The following TMEM204 variants were observed in gnomAD, a reference collection of about 807,000 sequenced individuals.
TMEM204 encodes claudin-like protein 24.
A neutral mutation model predicts 19.4 loss-of-function variants in TMEM204; 15 were observed. The observed-to-expected ratio is 0.77, with a 90% CI of 0.52 to 1.19. The LOEUF is 1.19. TMEM204 is among the 50% of genes most tolerant of loss of function. The pLI is 0.00. For synonymous variants in TMEM204, 161 were observed against 146.0 expected (o/e 1.10, Z -0.74); for missense variants, 287 against 321.2 (o/e 0.89, Z 0.81).
rs1170723222 is a variant in TMEM204 at position 1,542,034 on chromosome 16, C to A, written c.394C>A (p.Pro132Thr). Residue 132 changes from proline to threonine, a missense_variant, in exon 2 of 3, where the codon CCG becomes ACG. Physicochemically the swap from Pro to Thr is conservative, Grantham distance 38. Transcript: ENST00000566264. ...VGLPLLSPDA[P>T]CWEEAMAAAF... ...CCTGCCCCTGCTGTCACCCGACGCC[C>A]CGTGCTGGGAGGAGGCCATGGCCGC... 2 of 1,611,048 alleles carry A rather than the reference C, an allele frequency of 1.2e-6. No individual in the cohort carries two copies. The highest frequency in any genetic ancestry group is 4.5e-5 in the East Asian group (2 of 44,814).
upstream of TMEM204, among the ~76,000 whole-genome samples, chr16:1,530,422 C>A (rs771564849): frequency 6.6e-6 from 1 of 152,092 alleles, no homozygotes; most frequent in Non-Finnish European, 1.5e-5. Context: ...TGAGCCACTG[C>A]GCCCGGCCCA....
intron 2 of TMEM204, among the ~76,000 whole-genome samples, chr16:1,544,322 T>C (rs1297953264): frequency 1.3e-5 from 2 of 152,010 alleles, no homozygotes; most frequent in East Asian, 1.9e-4. Flanking sequence ...CAGCTGGGAC[T>C]ACAGGCGCCC....
intron 2 of TMEM204, among the ~76,000 whole-genome samples, chr16:1,546,011 C>G (rs1295658122): frequency 6.6e-6 from 1 of 152,248 alleles, no homozygotes; most frequent in South Asian, 2.1e-4. Flanking sequence ...GCATTCTGCT[C>G]ACTCCACAGA....
chr16:1,550,969 G>A (rs749464934), intron 2 of TMEM204, among the ~76,000 whole-genome samples: 16 of 152,176 alleles, frequency 1.1e-4, no homozygotes, highest in Non-Finnish European at 1.8e-4. Flanking sequence ...CTGCCCCTCC[G>A]TGAGCATTCG....
chr16:1,554,608 C>T (rs2032940883), intron 2 of TMEM204, among the ~76,000 whole-genome samples, 174 bp from the exon 3 acceptor site: 1 of 152,170 alleles, frequency 6.6e-6, no homozygotes, highest in South Asian at 2.1e-4. Flanking sequence ...AAAGCAGGAA[C>T]CCGCTCTAGG....
At chr16:1,541,855 T>C in intron 1 of TMEM204, 66 bp from the exon 2 acceptor site, 1 of 1,482,918 alleles carries the variant, frequency 6.7e-7, no homozygotes, top group Non-Finnish European at 9.0e-7. Context: ...GAAAGTGGCG[T>C]GACGGCTGGC....
intron 1 of TMEM204, among the ~76,000 whole-genome samples, chr16:1,536,540 C>G (rs531018313): frequency 1.3e-4 from 20 of 152,340 alleles, no homozygotes; most frequent in African/African-American, 4.8e-4. Flanking sequence ...ACAAGGGAAG[C>G]GTCACGGAAG....
At position 1,534,152 on chromosome 16, in the gene TMEM204, C is replaced by A; in HGVS notation, c.-124C>A. On this transcript the variant is annotated 5_prime_UTR_variant, in exon 1 of 3. Transcript: ENST00000566264. ...GGACCATCCCATGGGCCTCCGCCCG[C>A]GCCGCCCCGAGGATGAGTGGTGATG... The A allele has an allele frequency of 7.8e-7, 1 of 1,285,380 alleles. No individual in the cohort carries two copies. Among genetic ancestry groups the A allele is most frequent in the Non-Finnish European group, 1.0e-6 (1 of 953,986 alleles). 79.6% of individuals were successfully genotyped at this position (1,285,380 alleles called of 1,614,324 possible). A position where few individuals can be genotyped will look rare whatever the true frequency, so the allele number is the denominator to read the frequency against.
chr16:1,542,028 G>T lies in TMEM204; in HGVS notation c.388G>T (p.Asp130Tyr). Residue 130 changes from aspartate to tyrosine, a missense_variant, in exon 2 of 3, where the codon GAC (aspartate) becomes TAC (tyrosine). Coordinates refer to ENST00000566264, the MANE Select transcript of TMEM204 (RefSeq NM_024600.6). ...GGTGGGCCTGCCCCTGCTGTCACCC[G>T]ACGCCCCGTGCTGGGAGGAGGCCAT... is the stretch of plus-strand genomic sequence containing the variant. ...GLVGLPLLSPDAPCWEEAMAA... is the reference protein window; with the variant it reads ...GLVGLPLLSPYAPCWEEAMAA... 6.2e-7 allele frequency: 1 copy of T among 1,611,116 alleles called. No individual in the cohort carries two copies.
At position 1,543,047 on chromosome 16, in the gene TMEM204, T is replaced by A. The variant is rs768296697; in HGVS notation, c.436+971T>A. On this transcript the variant is annotated intron_variant, in intron 2 of 2. Coordinates refer to ENST00000566264, the MANE Select transcript of TMEM204 (RefSeq NM_024600.6). ...GGTCTTCTGTGGCTGACTGAGAGGT[T>A]TGAAGACTGTGGGCATCTGGGGCAG... Among the ~76,000 whole-genome samples the A allele has an allele frequency of 3.3e-5, 5 of 152,242 alleles. No individual in the cohort carries two copies. The South Asian group carries it at 8.3e-4, about 25-fold the overall frequency.
chr16:1,549,106 TGAG>T (rs1261164008), intron 2 of TMEM204, among the ~76,000 whole-genome samples: 4 of 152,196 alleles, frequency 2.6e-5, no homozygotes, highest in African/African-American at 7.2e-5. Context: ...CGCAGGTTCA[TGAG>T]GTTCAGGGCC....
chr16:1,541,933 T>G lies in TMEM204; in HGVS notation c.293T>G (p.Met98Arg), dbSNP rs569958410. The G allele has an allele frequency of 1.2e-6, 2 of 1,604,436 alleles. No homozygotes were observed. Among genetic ancestry groups the G allele is most frequent in the Non-Finnish European group, 1.7e-6 (2 of 1,175,976 alleles). The part of the protein sequence containing the change: ...SRGTVKLQFD[M>R]MRACNLVATA... ...TCTTGGCCCACAGTGCAGTTCGACATGATGCGCGCCTGCAACCTGGTGGCC... is the reference window on the plus strand; with the variant it reads ...TCTTGGCCCACAGTGCAGTTCGACAGGATGCGCGCCTGCAACCTGGTGGCC... The change falls in exon 2 of 3, where the codon ATG becomes AGG. Residue 98 changes from methionine (M) to arginine (R), a missense_variant. Met to Arg is a moderately conservative substitution (Grantham distance 91). Transcript: ENST00000566264.
chr16:1,533,240 C>T (rs1178909065), upstream of TMEM204: 2 of 152,336 alleles, frequency 1.3e-5, no homozygotes, highest in African/African-American at 4.8e-5. The surrounding 1 kb of genome is among the most constrained non-coding windows in gnomAD (Gnocchi z 4.7). Context: ...ATATCTGCCC[C>T]CCTTTTGAGG....
In TMEM204 at chr16:1,534,232, G is replaced by C. The variant is rs1230403380; in HGVS notation, c.-44G>C. ...CTCCCTGGACGTGCGGCCGCGGACT[G>C]GGACTTGGCTTTCTCCGGATAAGCG... On this transcript the variant is annotated 5_prime_UTR_variant, in exon 1 of 3. Transcript: ENST00000566264. 1 of 1,601,610 alleles carries C rather than the reference G, an allele frequency of 6.2e-7. No individual in the cohort carries two copies. The highest frequency in any genetic ancestry group is 8.5e-7 in the Non-Finnish European group (1 of 1,178,280).
intron 1 of TMEM204, chr16:1,541,135 C>T: frequency 2.0e-6 from 2 of 985,462 alleles, no homozygotes; most frequent in Non-Finnish European, 2.4e-6. Flanking sequence ...ATCCATGTGC[C>T]CTGCCCACCT....
At chr16:1,540,953 C>A in intron 1 of TMEM204, 1 of 985,412 alleles carries the variant, frequency 1.0e-6, no homozygotes, top group Non-Finnish European at 1.2e-6. Context: ...CGTGCAGGGG[C>A]CTGGGAACAC....
At chr16:1,529,480 G>A (rs2030204432), upstream of TMEM204, among the ~76,000 whole-genome samples, 1 of 152,216 alleles carries the variant, frequency 6.6e-6, no homozygotes, top group Admixed American at 6.5e-5. Context: ...GGGTGCATGG[G>A]ACCCCAGGGA....
chr16:1,551,478 G>T lies in TMEM204; in HGVS notation c.437-3304G>T, dbSNP rs559717145. Among the ~76,000 whole-genome samples, 3 of 152,320 alleles carry T rather than the reference G, an allele frequency of 2.0e-5. No homozygotes were observed. The East Asian group carries it at 5.8e-4, about 29-fold the overall frequency. The stretch of plus-strand genomic sequence containing the variant: ...CAGAAGGGCGGCCGCAGGTAGCAGG[G>T]GAGACCCTAAGGCGATGGGAGCCAC... On this transcript the variant is annotated intron_variant, in intron 2 of 2. Transcript: ENST00000566264. This position sits in a 1 kb window ranked among gnomAD's most constrained non-coding sequence, Gnocchi z 4.0.
chr16:1,552,240 T>C (rs1054804068), intron 2 of TMEM204, among the ~76,000 whole-genome samples: 1 of 152,112 alleles, frequency 6.6e-6, no homozygotes, highest in Non-Finnish European at 1.5e-5. Context: ...TTACTGCCGG[T>C]ATAACCTCCT....
Sources: allele counts gnomAD v4.1 joint callset (sites outside exome capture counted in the v4.1 genomes callset), GRCh38; gene constraint gnomAD v4.1.1; non-coding constraint Gnocchi (gnomAD v3.1); transcripts MANE v1.5; gene names NCBI Gene and HGNC (gene_info 2026-07-23, HGNC 2026-07-21).